The following TMIGD3 variants were observed in gnomAD, a reference collection of about 807,000 sequenced individuals.
The protein encoded by TMIGD3 is AD026 protein (AD026).
A neutral mutation model predicts 28.1 loss-of-function variants in TMIGD3; 21 were observed. The ratio of observed to expected loss-of-function variants is 0.75; its 90% confidence interval spans 0.53 to 1.08. TMIGD3 has a LOEUF of 1.08. Ranked by LOEUF, TMIGD3 falls within the 50% of genes least tolerant of loss-of-function variation. TMIGD3 has a pLI of 0.00. For synonymous variants in TMIGD3, 151 were observed against 162.1 expected, an observed-to-expected ratio of 0.93 and a Z score of 0.52; for missense variants, 416 against 435.6, an observed-to-expected ratio of 0.96 and a Z score of 0.40.
At chr1:111,517,748 A>G (rs1655914832) in intron 1 of TMIGD3, among the ~76,000 whole-genome samples, 1 of 152,190 alleles carries the variant, frequency 6.6e-6, no homozygotes, top group Admixed American at 6.5e-5. Context: ...ACCTTGCCCA[A>G]CAACAAAAAG....
chr1:111,486,545 C>T (rs1255993517), intron 4 of TMIGD3, 41 bp downstream of exon 4: 1 of 1,505,310 alleles, frequency 6.6e-7, no homozygotes, highest in South Asian at 1.1e-5. Flanking sequence ...ACCTCCACCC[C>T]ACCGCCCCAA....
At chr1:111,511,927 G>C (rs565999787) in intron 1 of TMIGD3, among the ~76,000 whole-genome samples, 1 of 152,122 alleles carries the variant, frequency 6.6e-6, no homozygotes, top group Non-Finnish European at 1.5e-5. Context: ...TTCATGATGG[G>C]GTTTTTAGGA....
At chr1:111,502,886 C>G (rs1655314112) in intron 1 of TMIGD3, 119 bp downstream of exon 1, 1 of 1,272,836 alleles carries the variant, frequency 7.9e-7, no homozygotes, top group East Asian at 2.5e-5. Context: ...CACTTATTGC[C>G]CTCTTTCAAC....
intron 1 of TMIGD3, among the ~76,000 whole-genome samples, chr1:111,534,387 G>A (rs540154075): frequency 6.6e-6 from 1 of 152,314 alleles, no homozygotes; most frequent in South Asian, 2.1e-4. Context: ...TTGTAGGAAT[G>A]TCAGGGAGAG....
chr1:111,488,803 T>A lies in TMIGD3; in HGVS notation c.679A>T (p.Lys227Ter), dbSNP rs752062745. ...CACCAGTACCAGCCCGTGTCCTCTT[T>A]GGTCAGGCAGGACATAGTGACAATG... ...QLIVTMSCLT[K>*]EDTGWYWCGI... Residue 227 changes from lysine (K) to a stop codon, truncating the protein, a stop_gained, in exon 3 of 6, where the codon AAA (lysine) becomes TAA (stop). Coordinates refer to ENST00000369716, the MANE Select transcript of TMIGD3 (RefSeq NM_020683.7). LOFTEE classifies it high-confidence loss of function. 2 of 1,614,098 alleles carry A rather than the reference T, an allele frequency of 1.2e-6. No homozygotes were observed. Among genetic ancestry groups the A allele is most frequent in the African/African-American group, 2.7e-5 (2 of 74,926 alleles).
chr1:111,490,412 C>T, intron 2 of TMIGD3: 3 of 515,296 alleles, frequency 5.8e-6, no homozygotes, highest in South Asian at 5.7e-5. Context: ...TATGTGCTGC[C>T]AAAGTGAGTG....
At chr1:111,499,587 AC>A in intron 1 of TMIGD3, 1 of 1,035,692 alleles carries the variant, frequency 9.7e-7, no homozygotes, top group Non-Finnish European at 1.2e-6. Flanking sequence ...GAAATGAGTC[AC>A]CACCACACAC....
chr1:111,534,690 G>A lies in TMIGD3; in HGVS notation c.107+29156C>T, dbSNP rs114788046. 6.5e-3 allele frequency among the ~76,000 whole-genome samples: 985 copies of A among 152,226 alleles called. 5 individuals are homozygous for A. Among genetic ancestry groups the A allele is most frequent in the African/African-American group, 0.022 (909 of 41,532 alleles). On this transcript the variant is annotated intron_variant, in intron 1 of 5. Transcript: ENST00000369717. ...TAACCTGGCAGGAAAGGAGCCTCTG[G>A]GAGCACATGAATGATGTAAATGTAA...
At chr1:111,544,524 T>C (rs951011608) in intron 1 of TMIGD3, among the ~76,000 whole-genome samples, 15 of 152,196 alleles carry the variant, frequency 9.9e-5, no homozygotes, top group African/African-American at 1.2e-4. Flanking sequence ...TGTTGTAACA[T>C]GCATTGTATC....
intron 1 of TMIGD3, among the ~76,000 whole-genome samples, chr1:111,561,163 A>T (rs1657721373): frequency 6.6e-6 from 1 of 152,180 alleles, no homozygotes; most frequent in African/African-American, 2.4e-5. Flanking sequence ...TCCCTCTGTC[A>T]CCCAGGCTGG....
At chr1:111,511,808 T>G (rs994268115) in intron 1 of TMIGD3, among the ~76,000 whole-genome samples, 5 of 152,190 alleles carry the variant, frequency 3.3e-5, no homozygotes, top group African/African-American at 1.2e-4. Context: ...GCTTGTCTTG[T>G]TCACAATTCT....
chr1:111,488,260 T>C (rs1434740375), intron 3 of TMIGD3, among the ~76,000 whole-genome samples: 1 of 151,802 alleles, frequency 6.6e-6, no homozygotes, highest in Non-Finnish European at 1.5e-5. Context: ...TCTCACTCTA[T>C]CGCCCAGGCA....
intron 1 of TMIGD3, among the ~76,000 whole-genome samples, chr1:111,493,321 G>A (rs1654752174): frequency 6.6e-6 from 1 of 152,146 alleles, no homozygotes; most frequent in Non-Finnish European, 1.5e-5. Flanking sequence ...TCATGGTAAT[G>A]AGTGAGTTCT....
At chr1:111,547,916 A>G (rs1657097880) in intron 1 of TMIGD3, among the ~76,000 whole-genome samples, 1 of 152,262 alleles carries the variant, frequency 6.6e-6, no homozygotes, top group Non-Finnish European at 1.5e-5. Context: ...CCCTCCAGAA[A>G]GTAAACAAGT....
intron 1 of TMIGD3, among the ~76,000 whole-genome samples, chr1:111,522,251 T>G (rs77751496): frequency 0.03 from 4,498 of 152,314 alleles, 218 homozygotes; most frequent in African/African-American, 0.1. Flanking sequence ...GTCTTTTGAA[T>G]GTTCACATAC....
chr1:111,509,364 C>A (rs1246945973), intron 1 of TMIGD3, among the ~76,000 whole-genome samples: 1 of 152,210 alleles, frequency 6.6e-6, no homozygotes, highest in East Asian at 1.9e-4. Flanking sequence ...TGTCTCTTGG[C>A]CACCCAGCCT....
intron 1 of TMIGD3, among the ~76,000 whole-genome samples, chr1:111,524,028 C>CTTTTTTTTTTTTTTTTTTTTTTTT (rs35046603): frequency 9.2e-6 from 1 of 108,790 alleles, no homozygotes; most frequent in African/African-American, 3.4e-5. Flanking sequence ...TCTTTCTTTT[C>CTTTTTTTTTTTTTTTTTTTTTTTT]TTTTTTTTTT....
chr1:111,555,362 TAAAAAAAAA>T (rs397981230), intron 1 of TMIGD3, among the ~76,000 whole-genome samples: 2 of 47,638 alleles, frequency 4.2e-5, no homozygotes, highest in Admixed American at 6.5e-4. Context: ...TGAGACTCTG[TAAAAAAAAA>T]AAAAAAAAAA....
intron 1 of TMIGD3, among the ~76,000 whole-genome samples, chr1:111,535,195 A>G (rs1656598021): frequency 6.6e-6 from 1 of 152,234 alleles, no homozygotes; most frequent in Non-Finnish European, 1.5e-5. Flanking sequence ...ACTGAGAAGC[A>G]CTGAATAAAT....
Sources: gnomAD v4.1 joint callset for allele counts (sites outside exome capture counted in the v4.1 genomes callset) on GRCh38, gnomAD v4.1.1 for gene constraint, MANE v1.5 for transcripts, NCBI Gene and HGNC (gene_info 2026-07-23, HGNC 2026-07-21) for gene names.